Variants in FAM111B observed in about 807,000 individuals in gnomAD.
FAM111B encodes FAM111 trypsin like peptidase B.
In FAM111B, 1 loss-of-function variant was observed where a neutral mutation model predicts 2.8. The observed-to-expected ratio is 0.36, with a 90% CI of 0.13 to 1.70. FAM111B has a LOEUF of 1.70. Ranked by LOEUF, FAM111B falls within the 40% of genes most tolerant of loss-of-function variation. The pLI is 0.35. For missense variants in FAM111B, 882 were observed against 878.9 expected, an observed-to-expected ratio of 1.00 and a Z score of -0.04; for synonymous variants, 297 against 295.6, an observed-to-expected ratio of 1.00 and a Z score of -0.05.
chr11:59,111,853 G>A (rs1266645594), intron 3 of FAM111B, among the ~76,000 whole-genome samples: 1 of 151,882 alleles, frequency 6.6e-6, no homozygotes, highest in Non-Finnish European at 1.5e-5. Context: ...CAAAGCAAGG[G>A]AATATAAATT....
In FAM111B at chr11:59,124,791, C is replaced by A. The variant is rs753442611; in HGVS notation, c.694C>A (p.Arg232=). Residue 232 remains arginine (R), a synonymous_variant, in exon 4 of 4, where the codon CGG becomes AGG. Transcript: ENST00000343597. ...EGALCKDGRF[R]SDIGEFEWKL... ...AGCCTTATGCAAGGATGGCCGTTTT[C>A]GGTCTGACATAGGTGAATTTGAATG... The A allele has an allele frequency of 6.2e-7, 1 of 1,613,658 alleles. No individual in the cohort carries two copies. Among genetic ancestry groups the A allele is most frequent in the South Asian group, 1.1e-5 (1 of 91,060 alleles).
chr11:59,107,885 G>C (rs1186510108), intron 1 of FAM111B, among the ~76,000 whole-genome samples: 1 of 152,166 alleles, frequency 6.6e-6, no homozygotes, highest in Non-Finnish European at 1.5e-5. Flanking sequence ...TTCTAAGTTC[G>C]TTTCCCATCT....
Position 59,124,263 on chromosome 11 carries a change from C to G in FAM111B, c.166C>G (p.Leu56Val). ...AAGAAAGTGTAGCAGCACCTTTAAG[C>G]TTAAAAGTGAAGTCAACAAGCATGA... is the stretch of plus-strand genomic sequence containing the variant. ...GIRKCSSTFK[L>V]KSEVNKHETA... is the part of the protein sequence containing the mutation. Residue 56 changes from leucine (L) to valine (V), a missense_variant, in exon 4 of 4, where the codon CTT becomes GTT. Transcript: ENST00000343597. 6.2e-7 allele frequency: 1 copy of G among 1,613,842 alleles called. No individual in the cohort carries two copies. Among genetic ancestry groups the G allele is most frequent in the Non-Finnish European group, 8.5e-7 (1 of 1,179,808 alleles).
At chr11:59,114,543 T>C (rs997624601) in intron 3 of FAM111B, among the ~76,000 whole-genome samples, 2 of 152,160 alleles carry the variant, frequency 1.3e-5, no homozygotes, top group Admixed American at 6.5e-5. Context: ...AAATGACAAG[T>C]AGGTTTTGAC....
In FAM111B at chr11:59,126,008, C is replaced by T. The variant is rs1008529526; in HGVS notation, c.1911C>T (p.His637=). The change falls in exon 4 of 4, where the codon CAC becomes CAT. Residue 637 remains histidine, a synonymous_variant. Transcript: ENST00000343597. ...RSFLSEVWNT[H]TLSYDTCFSD... ...TCCTATCAGAGGTTTGGAACACACA[C>T]ACGCTTAGTTATGATACTTGTTTCT... 2 of 1,613,934 alleles carry T rather than the reference C, an allele frequency of 1.2e-6. No homozygotes were observed. Among genetic ancestry groups the T allele is most frequent in the Admixed American group, 1.7e-5 (1 of 59,994 alleles).
chr11:59,117,884 A>G (rs949592364), intron 3 of FAM111B, among the ~76,000 whole-genome samples: 5 of 152,238 alleles, frequency 3.3e-5, no homozygotes, highest in Non-Finnish European at 7.3e-5. Context: ...ACAAAGCAGC[A>G]AAAGAAAGAA....
At position 59,125,612 on chromosome 11, in the gene FAM111B, G is replaced by A. The variant is rs1860012481; in HGVS notation, c.1515G>A (p.Trp505Ter). 2 of 1,613,792 alleles carry A rather than the reference G, an allele frequency of 1.2e-6. No homozygotes were observed. The highest frequency in any genetic ancestry group is 1.7e-6 in the Non-Finnish European group (2 of 1,179,854). Residue 505 changes from tryptophan to a stop codon, truncating the protein, a stop_gained, in exon 4 of 4, where the codon TGG becomes TGA. Coordinates refer to ENST00000343597, the MANE Select transcript of FAM111B (RefSeq NM_198947.4). LOFTEE classifies it low-confidence loss of function (END_TRUNC). ...MVGKNTHPSL[W>*]PDIISKCAKV... is the part of the protein sequence containing the mutation. ...GTAAAAACACACATCCAAGTTTGTG[G>A]CCAGATATAATTAGCAAATGTGCGA...
At chr11:59,109,225 G>A (rs1456438809) in intron 2 of FAM111B, among the ~76,000 whole-genome samples, 1 of 152,128 alleles carries the variant, frequency 6.6e-6, no homozygotes, top group African/African-American at 2.4e-5. Context: ...GAAATCTCAA[G>A]GGATACCCAC....
chr11:59,108,840 T>C (rs1590886200), intron 2 of FAM111B, 128 bp downstream of exon 2: 1 of 152,366 alleles, frequency 6.6e-6, no homozygotes, highest in Non-Finnish European at 1.5e-5. Flanking sequence ...CTGCTGATTT[T>C]TTTATTAGAT....
intron 1 of FAM111B, among the ~76,000 whole-genome samples, chr11:59,108,169 C>G (rs1187253163): frequency 6.6e-6 from 1 of 152,174 alleles, no homozygotes. Context: ...CTTAGAGGAA[C>G]CAATTCACAC....
chr11:59,125,824 T>G lies in FAM111B; in HGVS notation c.1727T>G (p.Leu576Ter), dbSNP rs761733393. The change falls in exon 4 of 4, where the codon TTA becomes TGA. Residue 576 changes from leucine (L) to a stop codon, truncating the protein, a stop_gained. Transcript: ENST00000343597. LOFTEE classifies it low-confidence loss of function (END_TRUNC). ...CAACCATCTACTGGTTTGATTTATTTAATTGGTCATCCTGAAGGCCAGATC... is the reference window on the plus strand; with the variant it reads ...CAACCATCTACTGGTTTGATTTATTGAATTGGTCATCCTGAAGGCCAGATC... ...SPQPSTGLIY[L>*]IGHPEGQIKK... The G allele has an allele frequency of 4.7e-5, 76 of 1,613,794 alleles. No homozygotes were observed. Among genetic ancestry groups the G allele is most frequent in the Non-Finnish European group, 6.1e-5 (72 of 1,179,842 alleles).
intron 3 of FAM111B, among the ~76,000 whole-genome samples, chr11:59,122,736 G>A (rs1040978686): frequency 6.6e-6 from 1 of 152,152 alleles, no homozygotes; most frequent in Admixed American, 6.5e-5. Flanking sequence ...CTGGAGCTTA[G>A]ATGAGAGGTC....
Position 59,125,946 on chromosome 11 carries a change from A to G in FAM111B, c.1849A>G (p.Thr617Ala), listed in dbSNP as rs1416078661. The stretch of plus-strand genomic sequence containing the variant: ...TGGGTTGGTAGATCTCTATGATACC[A>G]CCAGTAATGTATACTGTATGTTTAC... ...QDGLVDLYDT[T>A]SNVYCMFTQR... Residue 617 changes from threonine to alanine, a missense_variant, in exon 4 of 4, where the codon ACC becomes GCC. Transcript: ENST00000343597. 1.9e-6 allele frequency: 3 copies of G among 1,613,820 alleles called. No individual in the cohort carries two copies. The highest frequency in any genetic ancestry group is 2.5e-6 in the Non-Finnish European group (3 of 1,179,814).
intron 3 of FAM111B, among the ~76,000 whole-genome samples, chr11:59,117,406 G>C (rs1469155274): frequency 6.6e-6 from 1 of 152,198 alleles, no homozygotes; most frequent in Admixed American, 6.5e-5. Context: ...TAGTTTCTGA[G>C]GAGAGTAGGA....
intron 3 of FAM111B, among the ~76,000 whole-genome samples, chr11:59,119,108 G>A (rs1859882833): frequency 6.6e-6 from 1 of 152,172 alleles, no homozygotes; most frequent in African/African-American, 2.4e-5. Context: ...TCCAGGGATT[G>A]TTCCTTCTAA....
rs1565190340 is a variant in FAM111B at position 59,124,460 on chromosome 11, A to G, written c.363A>G (p.Ile121Met). 2 of 1,613,666 alleles carry G rather than the reference A, an allele frequency of 1.2e-6. No homozygotes were observed. The highest frequency in any genetic ancestry group is 2.2e-5 in the South Asian group (2 of 91,068). ...CTAATGACTATTTCAGTGAAAGGATAAAGAATCAGTTTAATAAGAACATTA... is the reference window on the plus strand; with the variant it reads ...CTAATGACTATTTCAGTGAAAGGATGAAGAATCAGTTTAATAAGAACATTA... The part of the protein sequence containing the change: ...LSANDYFSER[I>M]KNQFNKNIIV... The change falls in exon 4 of 4, where the codon ATA (isoleucine) becomes ATG (methionine). Residue 121 changes from isoleucine (I) to methionine (M), a missense_variant. Ile to Met is a conservative substitution (Grantham distance 10). Transcript: ENST00000343597.
Position 59,124,644 on chromosome 11 carries a change from T to C in FAM111B, c.547T>C (p.Cys183Arg). 6.2e-7 allele frequency: 1 copy of C among 1,613,892 alleles called. No homozygotes were observed. The highest frequency in any genetic ancestry group is 8.5e-7 in the Non-Finnish European group (1 of 1,179,820). ...LRQCENPNME[C>R]ILFHVVAIGR... The stretch of plus-strand genomic sequence containing the variant: ...CCAATGTGAAAATCCAAACATGGAA[T>C]GCATTCTTTTTCATGTTGTTGCTAT... The change falls in exon 4 of 4, where the codon TGC becomes CGC. Residue 183 changes from cysteine (C) to arginine (R), a missense_variant. Coordinates refer to ENST00000343597, the MANE Select transcript of FAM111B (RefSeq NM_198947.4).
chr11:59,123,094 ATATT>A (rs1248310636), intron 3 of FAM111B, among the ~76,000 whole-genome samples: 7 of 152,140 alleles, frequency 4.6e-5, no homozygotes, highest in African/African-American at 1.7e-4. Flanking sequence ...ATGAGTATTT[ATATT>A]TATTTATATA....
At chr11:59,114,306 C>T (rs961500306) in intron 3 of FAM111B, among the ~76,000 whole-genome samples, 3 of 152,082 alleles carry the variant, frequency 2.0e-5, no homozygotes, top group Admixed American at 6.5e-5. Context: ...AACACTCTAG[C>T]CCCATGGGCC....
Sources: allele counts gnomAD v4.1 joint callset (sites outside exome capture counted in the v4.1 genomes callset), GRCh38; gene constraint gnomAD v4.1.1; transcripts MANE v1.5; gene names NCBI Gene and HGNC (gene_info 2026-07-23, HGNC 2026-07-21).